Variants in ARHGAP44 observed in about 807,000 individuals in gnomAD.
ARHGAP44 encodes the protein Rho GTPase activating protein 44, also known as rho GTPase-activating protein 44.
A neutral mutation model predicts 106.8 loss-of-function variants in ARHGAP44; 43 were observed. The observed-to-expected ratio is 0.40, with a 90% confidence interval of 0.32 to 0.52. ARHGAP44 has a LOEUF of 0.52. Ranked by LOEUF, ARHGAP44 falls within the 20% of genes least tolerant of loss-of-function variation. The pLI is 0.48. For missense variants in ARHGAP44, 866 were observed against 1,050.5 expected (o/e 0.82, Z 2.43); for synonymous variants, 439 against 410.3 (o/e 1.07, Z -0.85).
At chr17:12,885,628 C>G (rs1024963547) in intron 1 of ARHGAP44, among the ~76,000 whole-genome samples, 1 of 151,956 alleles carries the variant, frequency 6.6e-6, no homozygotes, top group Admixed American at 6.6e-5. Context: ...AATGTTGAAC[C>G]ATCTTTTCTG....
At chr17:12,844,242 T>G (rs190658891) in intron 1 of ARHGAP44, among the ~76,000 whole-genome samples, 472 of 152,244 alleles carry the variant, frequency 3.1e-3, no homozygotes, top group African/African-American at 0.01. Context: ...AACAGATGAT[T>G]ATTTGGCTCG....
intron 1 of ARHGAP44, among the ~76,000 whole-genome samples, chr17:12,792,036 T>C (rs1385296690): frequency 1.3e-5 from 2 of 152,238 alleles, no homozygotes; most frequent in African/African-American, 4.8e-5. Flanking sequence ...TTGGCCTTTT[T>C]TCTTAACTCT....
Position 12,990,352 on chromosome 17 carries a change from C to A in ARHGAP44, c.*181C>A. On this transcript the variant is annotated 3_prime_UTR_variant, in exon 21 of 21. Transcript: ENST00000379672. ...AGTCCGTGTGGTGATGCTGGTGGTG[C>A]AGGTTTTGTTTGTTCCTTTCGGGTG... The A allele has an allele frequency of 1.3e-6, 1 of 781,706 alleles. No individual in the cohort carries two copies. The highest frequency in any genetic ancestry group is 2.0e-6 in the Non-Finnish European group (1 of 511,300). The allele number at this position is 781,706 out of a possible 1,614,324, so 48.4% of individuals were successfully genotyped here.
chr17:12,796,158 A>G (rs1207194476), intron 1 of ARHGAP44, among the ~76,000 whole-genome samples: 1 of 151,810 alleles, frequency 6.6e-6, no homozygotes, highest in African/African-American at 2.4e-5. Context: ...CTATCTATCT[A>G]TCTATCTATT....
intron 18 of ARHGAP44, among the ~76,000 whole-genome samples, chr17:12,978,035 T>TGAAAAA (rs757585682): frequency 1.8e-5 from 1 of 55,562 alleles, no homozygotes; most frequent in Non-Finnish European, 3.1e-5. Flanking sequence ...AGACTCCATC[T>TGAAAAA]CAAAAAAAAA....
intron 1 of ARHGAP44, among the ~76,000 whole-genome samples, chr17:12,868,067 G>A (rs2036286302): frequency 6.6e-6 from 1 of 152,330 alleles, no homozygotes; most frequent in South Asian, 2.1e-4. Flanking sequence ...GGCTGCAATT[G>A]CAAAGTACCA....
chr17:12,944,487 A>G (rs2038795926), intron 10 of ARHGAP44, among the ~76,000 whole-genome samples: 1 of 141,984 alleles, frequency 7.0e-6, no homozygotes. Context: ...GCATTCTGCT[A>G]TTTTTTTTTT....
intron 1 of ARHGAP44, among the ~76,000 whole-genome samples, chr17:12,868,592 TA>T (rs1309810725): frequency 1.4e-3 from 3 of 2,070 alleles, no homozygotes; most frequent in African/African-American, 4.0e-3. Flanking sequence ...ATATGCATTT[TA>T]TATATATATA....
intron 1 of ARHGAP44, among the ~76,000 whole-genome samples, chr17:12,834,242 C>G (rs1212303431): frequency 6.6e-6 from 1 of 152,176 alleles, no homozygotes; most frequent in African/African-American, 2.4e-5. Flanking sequence ...GCTCCTGGCT[C>G]TAAGCCGCCA....
At position 12,990,940 on chromosome 17, in the gene ARHGAP44, G is replaced by C. The variant is rs1435422165; in HGVS notation, c.*769G>C. ...GTCCCCAAATATATTGGCTATATGA[G>C]AGTAATTTTACCCCTCTACGTACCT... On this transcript the variant is annotated 3_prime_UTR_variant, in exon 21 of 21. Coordinates refer to ENST00000379672, the MANE Select transcript of ARHGAP44 (RefSeq NM_014859.6). 1.3e-5 allele frequency: 2 copies of C among 152,616 alleles called. No homozygotes were observed. The highest frequency in any genetic ancestry group is 2.9e-5 in the Non-Finnish European group (2 of 68,052). The allele number at this position is 152,616 out of a possible 1,614,324, so 9.5% of individuals were successfully genotyped here. A position where few individuals can be genotyped will look rare whatever the true frequency, so the allele number is the denominator to read the frequency against.
At chr17:12,940,244 C>A (rs2038670407) in intron 7 of ARHGAP44, among the ~76,000 whole-genome samples, 1 of 152,174 alleles carries the variant, frequency 6.6e-6, no homozygotes, top group Non-Finnish European at 1.5e-5. Flanking sequence ...AAGGGAGGAA[C>A]CTTAGAGATC....
chr17:12,875,663 G>T (rs2036529551), intron 1 of ARHGAP44, among the ~76,000 whole-genome samples: 1 of 152,066 alleles, frequency 6.6e-6, no homozygotes, highest in South Asian at 2.1e-4. Context: ...AATGTATTAG[G>T]CTGGGCGCAG....
chr17:12,870,626 C>T (rs1408942654), intron 1 of ARHGAP44, among the ~76,000 whole-genome samples: 1 of 152,214 alleles, frequency 6.6e-6, no homozygotes, highest in Non-Finnish European at 1.5e-5. Flanking sequence ...TCCCTGGAGA[C>T]ACTTTTTAAT....
chr17:12,865,560 A>G (rs1022790994), intron 1 of ARHGAP44, among the ~76,000 whole-genome samples: 2 of 151,986 alleles, frequency 1.3e-5, no homozygotes, highest in Non-Finnish European at 1.5e-5. Flanking sequence ...GAGGCTGAGG[A>G]GGGTGGATCA....
intron 1 of ARHGAP44, among the ~76,000 whole-genome samples, chr17:12,884,330 T>C (rs1238860576): frequency 6.6e-6 from 1 of 152,208 alleles, no homozygotes; most frequent in African/African-American, 2.4e-5. Flanking sequence ...TTGTTTTCAA[T>C]CATTAACTTT....
At chr17:12,829,609 C>T (rs191693738) in intron 1 of ARHGAP44, among the ~76,000 whole-genome samples, 78 of 152,274 alleles carry the variant, frequency 5.1e-4, no homozygotes, top group Admixed American at 1.8e-3. Flanking sequence ...GATTATATCA[C>T]ACTCAGCTTT....
At chr17:12,953,821 G>A (rs546723982) in intron 13 of ARHGAP44, among the ~76,000 whole-genome samples, 1 of 152,268 alleles carries the variant, frequency 6.6e-6, no homozygotes, top group East Asian at 1.9e-4. Context: ...AACAAAATGG[G>A]ATGGTGGTTG....
At chr17:12,931,879 C>CACACACACACACAT (rs1815893130) in intron 7 of ARHGAP44, among the ~76,000 whole-genome samples, 1 of 139,154 alleles carries the variant, frequency 7.2e-6, no homozygotes, top group African/African-American at 2.7e-5. Context: ...CACACACACA[C>CACACACACACACAT]ATATCATGAT....
chr17:12,887,800 A>C (rs2036924364), intron 1 of ARHGAP44, among the ~76,000 whole-genome samples: 1 of 152,030 alleles, frequency 6.6e-6, no homozygotes, highest in African/African-American at 2.4e-5. Context: ...TACAAATTCA[A>C]ATTTTTATAG....
Sources: allele counts gnomAD v4.1 joint callset (sites outside exome capture counted in the v4.1 genomes callset), GRCh38; gene constraint gnomAD v4.1.1; transcripts MANE v1.5; gene names NCBI Gene and HGNC (gene_info 2026-07-23, HGNC 2026-07-21).